The following KCTD16 variants were observed in gnomAD, a reference collection of about 807,000 sequenced individuals.
KCTD16 encodes the protein potassium channel tetramerization domain containing 16, also known as BTB/POZ domain-containing protein KCTD16.
KCTD16 carries 13 observed loss-of-function variants against 33.2 expected under a neutral mutation model. That is an observed-to-expected ratio of 0.39 (90% CI 0.25 to 0.62). The LOEUF is 0.62. Ranked by LOEUF, KCTD16 falls within the 20% of genes least tolerant of loss-of-function variation. The pLI, the probability that KCTD16 is intolerant of heterozygous loss-of-function variation, is 0.50. For synonymous variants in KCTD16, 197 were observed against 195.3 expected (o/e 1.01, Z -0.07); for missense variants, 441 against 525.1 (o/e 0.84, Z 1.57).
At chr5:144,284,481 CAG>C (rs1755690551) in intron 3 of KCTD16, among the ~76,000 whole-genome samples, 3 of 152,208 alleles carry the variant, frequency 2.0e-5, no homozygotes, top group Admixed American at 2.0e-4. Context: ...AAAACTCTAA[CAG>C]TAACAATTCT....
intron 3 of KCTD16, among the ~76,000 whole-genome samples, chr5:144,271,907 C>T (rs1032796807): frequency 1.8e-4 from 27 of 152,020 alleles, no homozygotes; most frequent in Non-Finnish European, 2.6e-4. Flanking sequence ...AAAGCAATTT[C>T]ATTTATAATA....
intron 2 of KCTD16, among the ~76,000 whole-genome samples, chr5:144,183,695 A>T (rs1435583675): frequency 1.3e-5 from 2 of 152,174 alleles, no homozygotes; most frequent in African/African-American, 4.8e-5. Flanking sequence ...CTACCCTACT[A>T]GAAATAAGCC....
At position 144,400,610 on chromosome 5, in the gene KCTD16, G is replaced by A. The variant is rs184829378; in HGVS notation, c.833-73050G>A. 5.7e-3 allele frequency among the ~76,000 whole-genome samples: 870 copies of A among 152,260 alleles called. 9 individuals are homozygous for A. The highest frequency in any genetic ancestry group is 5.4e-3 in the Non-Finnish European group (367 of 68,022). On this transcript the variant is annotated intron_variant, in intron 3 of 3. Coordinates refer to ENST00000512467, the MANE Select transcript of KCTD16 (RefSeq NM_020768.4). Reference sequence around the variant, plus strand: ...AAATTACTCCTTCAACACCATCTATGTGCCAGGCACTGTTTTACATGCTGA... The same window carrying A: ...AAATTACTCCTTCAACACCATCTATATGCCAGGCACTGTTTTACATGCTGA...
intron 3 of KCTD16, among the ~76,000 whole-genome samples, chr5:144,293,057 G>A (rs940704192): frequency 1.3e-5 from 2 of 152,152 alleles, no homozygotes; most frequent in African/African-American, 4.8e-5. Flanking sequence ...TGAGAAACTT[G>A]GTAATTTATC....
chr5:144,177,838 A>G (rs1459433775), intron 2 of KCTD16, among the ~76,000 whole-genome samples: 1 of 152,174 alleles, frequency 6.6e-6, no homozygotes, highest in Non-Finnish European at 1.5e-5. Flanking sequence ...TACCAGCCTT[A>G]TGATGTTACT....
At chr5:144,437,430 T>G (rs1408304364) in intron 3 of KCTD16, among the ~76,000 whole-genome samples, 1 of 152,214 alleles carries the variant, frequency 6.6e-6, no homozygotes, top group Admixed American at 6.5e-5. Flanking sequence ...TGTCTTAATT[T>G]ATTTGTTCTT....
At chr5:144,459,078 T>C (rs1017022192) in intron 3 of KCTD16, among the ~76,000 whole-genome samples, 4 of 152,220 alleles carry the variant, frequency 2.6e-5, no homozygotes, top group Admixed American at 1.3e-4. Flanking sequence ...GTGTTCTGTA[T>C]AGAGGATGTA....
intron 3 of KCTD16, among the ~76,000 whole-genome samples, chr5:144,219,249 T>C (rs1329489407): frequency 4.6e-5 from 7 of 152,140 alleles, no homozygotes; most frequent in African/African-American, 1.7e-4. Context: ...GTCTGGCTCT[T>C]GTTGCCCAGG....
chr5:144,442,538 A>C, intron 3 of KCTD16, among the ~76,000 whole-genome samples: 1 of 136,776 alleles, frequency 7.3e-6, no homozygotes, highest in Non-Finnish European at 1.5e-5. Flanking sequence ...CCTCCTTCCA[A>C]CTTTTCCTTC....
rs540784762 is a variant in KCTD16 at position 144,249,579 on chromosome 5, A to G, written c.832+42033A>G. On this transcript the variant is annotated intron_variant, in intron 3 of 3. Coordinates refer to ENST00000512467, the MANE Select transcript of KCTD16 (RefSeq NM_020768.4). ...GTGGAGAGAAAGCCTATTCTCTGTT[A>G]TAATAAAATCTTTAAAAATTTAATA... Among the ~76,000 whole-genome samples, 7 of 152,314 alleles carry G rather than the reference A, an allele frequency of 4.6e-5. No individual in the cohort carries two copies. The South Asian group carries it at 1.2e-3, about 27-fold the overall frequency.
chr5:144,176,639 T>C (rs1394582411), intron 2 of KCTD16, among the ~76,000 whole-genome samples: 1 of 151,604 alleles, frequency 6.6e-6, no homozygotes, highest in Non-Finnish European at 1.5e-5. Flanking sequence ...CCTGACCTCA[T>C]GATCCACTCG....
chr5:144,220,456 T>C (rs11743036), intron 3 of KCTD16, among the ~76,000 whole-genome samples: 1 of 152,178 alleles, frequency 6.6e-6, no homozygotes, highest in Non-Finnish European at 1.5e-5. Flanking sequence ...TTATACATAG[T>C]AGGAACTCAA....
At chr5:144,356,803 G>A (rs781416689) in intron 3 of KCTD16, among the ~76,000 whole-genome samples, 7 of 151,860 alleles carry the variant, frequency 4.6e-5, no homozygotes, top group African/African-American at 1.2e-4. Context: ...CTCCCCTCCC[G>A]CTTTTCCCCT....
rs1200728394 is a variant in KCTD16 at position 144,485,139 on chromosome 5, C to T, written c.*11025C>T. ...CTTGGGATGTAACACTGTAGATCTT[C>T]GCCTGCTGTATTTCTTTCTTACCTA... is the stretch of plus-strand genomic sequence containing the variant. On this transcript the variant is annotated 3_prime_UTR_variant, in exon 4 of 4. Transcript: ENST00000512467. 6 of 151,924 alleles carry T rather than the reference C, an allele frequency of 3.9e-5. No individual in the cohort carries two copies. The highest frequency in any genetic ancestry group is 2.0e-4 in the Admixed American group (3 of 15,206). 9.4% of individuals were successfully genotyped at this position (151,924 alleles called of 1,614,324 possible).
At chr5:144,401,688 C>G (rs1462484837) in intron 3 of KCTD16, among the ~76,000 whole-genome samples, 3 of 152,210 alleles carry the variant, frequency 2.0e-5, no homozygotes, top group African/African-American at 4.8e-5. Context: ...TCTATCCCAT[C>G]TATTCATCCA....
At chr5:144,338,578 G>C (rs939410079) in intron 3 of KCTD16, among the ~76,000 whole-genome samples, 12 of 152,120 alleles carry the variant, frequency 7.9e-5, no homozygotes, top group African/African-American at 2.9e-4. Context: ...CCTGATGAAA[G>C]AAAAAACCCT....
At chr5:144,298,291 G>A (rs148671527) in intron 3 of KCTD16, among the ~76,000 whole-genome samples, 21 of 152,328 alleles carry the variant, frequency 1.4e-4, no homozygotes, top group African/African-American at 5.1e-4. Flanking sequence ...CATCTTGGGA[G>A]CTCTGGGAGC....
Position 144,207,123 on chromosome 5 carries a change from A to G in KCTD16, c.409A>G (p.Ser137Gly). 1 of 1,610,820 alleles carries G rather than the reference A, an allele frequency of 6.2e-7. No homozygotes were observed. The highest frequency in any genetic ancestry group is 1.1e-5 in the South Asian group (1 of 90,548). Residue 137 changes from serine to glycine, a missense_variant, in exon 3 of 4, where the codon AGT becomes GGT. Ser to Gly is a moderately conservative substitution (Grantham distance 56). Around this residue, in one of 3 missense-constraint regions of KCTD16, gnomAD observed 355 missense variants for 413.0 expected, o/e 0.86. Transcript: ENST00000512467. Reference protein sequence around the residue: ...IKQSPDEFCHSDFEDASQGSD... With the variant: ...IKQSPDEFCHGDFEDASQGSD... ...GCAAAGCCCAGATGAATTCTGCCAC[A>G]GTGACTTTGAAGATGCCTCCCAAGG...
chr5:144,275,152 T>C (rs1216770205), intron 3 of KCTD16, among the ~76,000 whole-genome samples: 13 of 152,086 alleles, frequency 8.5e-5, no homozygotes, highest in Non-Finnish European at 1.5e-5. Flanking sequence ...ATAATACACC[T>C]CCATAAAGGG....
Sources: gnomAD v4.1 joint callset for allele counts (sites outside exome capture counted in the v4.1 genomes callset) on GRCh38, gnomAD v4.1.1 for gene constraint, gnomAD v4.1.1 regional missense constraint, MANE v1.5 for transcripts, NCBI Gene and HGNC (gene_info 2026-07-23, HGNC 2026-07-21) for gene names.